BMP2K: variants seen among roughly 807,000 people sequenced by gnomAD.
BMP2K encodes BMP2 inducible kinase.
In BMP2K, 74 loss-of-function variants were observed where a neutral mutation model predicts 116.0. The observed-to-expected ratio is 0.64, with a 90% CI of 0.53 to 0.77. BMP2K has a LOEUF of 0.77. Among genes scored for constraint, BMP2K ranks in the 30% least tolerant of loss-of-function variants. The pLI, the probability that BMP2K is intolerant of heterozygous loss-of-function variation, is 0.00. For synonymous variants in BMP2K, 486 were observed against 502.5 expected, an observed-to-expected ratio of 0.97 and a Z score of 0.44; for missense variants, 1,365 against 1,403.6, an observed-to-expected ratio of 0.97 and a Z score of 0.44.
chr4:78,838,141 C>T (rs1001713764), intron 3 of BMP2K, among the ~76,000 whole-genome samples: 4 of 152,186 alleles, frequency 2.6e-5, no homozygotes, highest in African/African-American at 9.7e-5. Context: ...TGGCAGCAGA[C>T]AGAGAGGGTT....
At chr4:78,883,780 G>T (rs1732961506) in intron 14 of BMP2K, among the ~76,000 whole-genome samples, 1 of 152,148 alleles carries the variant, frequency 6.6e-6, no homozygotes, top group Non-Finnish European at 1.5e-5. Context: ...TACGTGGAGA[G>T]GGTCAGGTGT....
chr4:78,792,284 A>G (rs1490979891), intron 1 of BMP2K, among the ~76,000 whole-genome samples: 1 of 152,198 alleles, frequency 6.6e-6, no homozygotes, highest in African/African-American at 2.4e-5. Flanking sequence ...TTTTAAGTAT[A>G]TGTCTTTTTA....
intron 1 of BMP2K, among the ~76,000 whole-genome samples, chr4:78,806,144 G>A (rs1297084492): frequency 6.9e-6 from 1 of 145,648 alleles, no homozygotes; most frequent in Non-Finnish European, 1.5e-5. Flanking sequence ...TAGGGGGTGT[G>A]TGTGTGTGTA....
chr4:78,878,661 A>C, intron 13 of BMP2K, 73 bp from the exon 14 acceptor site: 1 of 1,185,646 alleles, frequency 8.4e-7, no homozygotes, highest in Non-Finnish European at 1.2e-6. Flanking sequence ...AGTATAAAGT[A>C]GGGCATTGTA....
At chr4:78,792,812 T>C (rs2109936855) in intron 1 of BMP2K, among the ~76,000 whole-genome samples, 1 of 152,330 alleles carries the variant, frequency 6.6e-6, no homozygotes, top group Middle Eastern at 3.4e-3. Context: ...ATATTACAAC[T>C]AACCTTTAAG....
At chr4:78,776,970 C>A (rs1367690343) in intron 1 of BMP2K, among the ~76,000 whole-genome samples, 1 of 151,980 alleles carries the variant, frequency 6.6e-6, no homozygotes, top group Non-Finnish European at 1.5e-5. Context: ...CTTTTTGACG[C>A]GAGAAAATAG....
intron 2 of BMP2K, among the ~76,000 whole-genome samples, chr4:78,829,395 G>GTTTTTTT: frequency 7.3e-6 from 1 of 136,554 alleles, no homozygotes; most frequent in Non-Finnish European, 1.5e-5. Flanking sequence ...CTTAATTATA[G>GTTTTTTT]TTTTTTGTTT....
Position 78,910,793 on chromosome 4 carries a change from C to G in BMP2K, c.2246C>G (p.Pro749Arg). ...GAAAGTGATTTTGAATCAGATCCCC[C>G]TTCTCCTAAGAGCAGTGAAGAGGAA... Reference protein sequence around the residue: ...ESESDFESDPPSPKSSEEEEQ... With the variant: ...ESESDFESDPRSPKSSEEEEQ... Residue 749 changes from proline (P) to arginine (R), a missense_variant, in exon 16 of 16, where the codon CCT (proline) becomes CGT (arginine). This residue lies in a region of BMP2K where 596 missense variants were observed against 623.2 expected (regional missense o/e 0.96). Transcript: ENST00000502613. 2.5e-6 allele frequency: 4 copies of G among 1,613,800 alleles called. No homozygotes were observed. Among genetic ancestry groups the G allele is most frequent in the Non-Finnish European group, 3.4e-6 (4 of 1,179,840 alleles).
chr4:78,793,205 A>T (rs1728090164), intron 1 of BMP2K, among the ~76,000 whole-genome samples: 1 of 151,972 alleles, frequency 6.6e-6, no homozygotes, highest in Admixed American at 6.6e-5. Flanking sequence ...AGGTCAGGAG[A>T]TCGAGACCAT....
At chr4:78,798,264 G>A (rs1728396131) in intron 1 of BMP2K, among the ~76,000 whole-genome samples, 1 of 152,192 alleles carries the variant, frequency 6.6e-6, no homozygotes, top group African/African-American at 2.4e-5. Context: ...CCATACTCAA[G>A]TCATAAAGGT....
rs1734942480 is a variant in BMP2K, at chr4:78,915,233, A to T, written c.*3200A>T. 6.6e-6 allele frequency: 1 copy of T among 152,014 alleles called. No homozygotes were observed. The highest frequency in any genetic ancestry group is 1.5e-5 in the Non-Finnish European group (1 of 67,916). The allele number at this position is 152,014 out of a possible 1,614,324, so 9.4% of individuals were successfully genotyped here. On this transcript the variant is annotated 3_prime_UTR_variant, in exon 16 of 16. Coordinates refer to ENST00000502613, the MANE Select transcript of BMP2K (RefSeq NM_198892.2). ...ACCCTGTTTATTGTTTAAGAGTGAT[A>T]GACTGTTGTCCTCTTGCTGGTGGAA...
At chr4:78,885,032 A>C (rs1733012199) in intron 14 of BMP2K, among the ~76,000 whole-genome samples, 2 of 152,182 alleles carry the variant, frequency 1.3e-5, no homozygotes, top group Non-Finnish European at 2.9e-5. Context: ...ACCCAAAATG[A>C]ATTTTCATTG....
intron 15 of BMP2K, 143 bp from the exon 16 acceptor site, chr4:78,910,467 G>A (rs1002843347): frequency 9.9e-6 from 7 of 703,566 alleles, no homozygotes; most frequent in African/African-American, 3.6e-5. Context: ...GTCTAATGAC[G>A]AAGAATTGAC....
Position 78,799,565 on chromosome 4 carries a change from A to G in BMP2K, c.178+22844A>G, listed in dbSNP as rs745987751. 7.9e-5 allele frequency among the ~76,000 whole-genome samples: 12 copies of G among 152,268 alleles called. No homozygotes were observed. The South Asian group carries it at 8.3e-4, about 11-fold the overall frequency. ...AAATGGAGATCCTGCTGTGGATTCAAATGTGTGTATTTGTGTATGTAATTA... is the reference window on the plus strand; with the variant it reads ...AAATGGAGATCCTGCTGTGGATTCAGATGTGTGTATTTGTGTATGTAATTA... On this transcript the variant is annotated intron_variant, in intron 1 of 15. Transcript: ENST00000502613.
chr4:78,906,998 A>G (rs960788604), intron 15 of BMP2K, among the ~76,000 whole-genome samples: 3 of 152,156 alleles, frequency 2.0e-5, no homozygotes, highest in African/African-American at 7.2e-5. Context: ...AGTGAAATTG[A>G]TACTAAAAAA....
At chr4:78,871,765 A>G (rs1322928626) in intron 11 of BMP2K, 85 bp from the exon 12 acceptor site, 3 of 801,492 alleles carry the variant, frequency 3.7e-6, no homozygotes, top group African/African-American at 1.7e-5. Flanking sequence ...GATTTCTCAA[A>G]TCATTATGGT....
At position 78,850,984 on chromosome 4, in the gene BMP2K, G is replaced by A. The variant is rs1262634659; in HGVS notation, c.811G>A (p.Val271Ile). 6.2e-7 allele frequency: 1 copy of A among 1,612,104 alleles called. No individual in the cohort carries two copies. Among genetic ancestry groups the A allele is most frequent in the Non-Finnish European group, 8.5e-7 (1 of 1,178,834 alleles). ...FFTLPFGESQ[V>I]AICDGNFTIP... ...CACTCTTCCTTTTGGTGAGAGTCAG[G>A]TTGCTATCTGTGATGGCAACTTCAC... is the stretch of plus-strand genomic sequence containing the variant. The change falls in exon 7 of 16, where the codon GTT becomes ATT. Residue 271 changes from valine (V) to isoleucine (I), a missense_variant. Val to Ile is a conservative substitution (Grantham distance 29). Transcript: ENST00000502613.
intron 1 of BMP2K, among the ~76,000 whole-genome samples, chr4:78,806,477 C>T (rs964410731): frequency 2.6e-5 from 4 of 152,058 alleles, no homozygotes; most frequent in African/African-American, 9.7e-5. Context: ...CATGCCCGGT[C>T]TGTATGTATA....
chr4:78,795,356 G>C (rs900086325), intron 1 of BMP2K, among the ~76,000 whole-genome samples: 3 of 152,148 alleles, frequency 2.0e-5, no homozygotes, highest in African/African-American at 7.2e-5. Context: ...TAGGTGAGAT[G>C]ACCGAGTATG....
Sources: allele counts gnomAD v4.1 joint callset (sites outside exome capture counted in the v4.1 genomes callset), GRCh38; gene constraint gnomAD v4.1.1; regional missense constraint gnomAD v4.1.1; transcripts MANE v1.5; gene names NCBI Gene and HGNC (gene_info 2026-07-23, HGNC 2026-07-21).